PIP5K1A: variants seen among roughly 807,000 people sequenced by gnomAD.
PIP5K1A encodes the protein phosphatidylinositol 4-phosphate 5-kinase type-1 alpha.
Under a neutral mutation model 72.9 loss-of-function variants are expected in PIP5K1A, and 46 were observed. That is an observed-to-expected ratio of 0.63 (90% CI 0.50 to 0.81). The LOEUF is 0.81. Ranked by LOEUF, PIP5K1A falls within the 30% of genes least tolerant of loss-of-function variation. The probability of loss-of-function intolerance (pLI) is 0.00; values close to 1 mark genes in which losing one functional copy is unlikely to be tolerated. For synonymous variants in PIP5K1A, 228 were observed against 255.1 expected (o/e 0.89, Z 1.01); for missense variants, 458 against 706.1 (o/e 0.65, Z 3.98).
Position 151,202,610 on chromosome 1 carries a change from C to T in PIP5K1A, c.85+3529C>T, listed in dbSNP as rs1481151266. ...GCTCAGCCTCCCAAGTAACAGATTA[C>T]AGGCACCTGCCACCACATCTGACTA... On this transcript the variant is annotated intron_variant, in intron 1 of 15. Coordinates refer to ENST00000368888, the MANE Select transcript of PIP5K1A (RefSeq NM_001135638.2). 2.0e-5 allele frequency among the ~76,000 whole-genome samples: 3 copies of T among 150,854 alleles called. No individual in the cohort carries two copies. In the Admixed American group the frequency reaches 2.0e-4, roughly 10 times the overall value.
chr1:151,196,637 G>T (rs587751372), upstream of PIP5K1A, among the ~76,000 whole-genome samples: 92 of 131,868 alleles, frequency 7.0e-4, no homozygotes, highest in Non-Finnish European at 1.2e-3. Flanking sequence ...TCACCGAAAC[G>T]TCTGCCTCCC....
In PIP5K1A at chr1:151,238,564, C is replaced by G. The variant is rs1052298697; in HGVS notation, c.1229+299C>G. On this transcript the variant is annotated intron_variant, in intron 10 of 15. Transcript: ENST00000368888. ...CCATCTGTCTGGCTCTTTGCAAAAACCTATGAGATGAGTCATGTTCCACAT... is the reference window on the plus strand; with the variant it reads ...CCATCTGTCTGGCTCTTTGCAAAAAGCTATGAGATGAGTCATGTTCCACAT... The G allele has an allele frequency of 4.0e-5, 14 of 349,534 alleles. No homozygotes were observed. In the East Asian group the frequency reaches 7.8e-4, roughly 19 times the overall value. The allele number at this position is 349,534 out of a possible 1,614,324, so 21.7% of individuals were successfully genotyped here. A position where few individuals can be genotyped will look rare whatever the true frequency, so the allele number is the denominator to read the frequency against.
intron 1 of PIP5K1A, 117 bp downstream of exon 1, chr1:151,199,198 G>C (rs1250174646): frequency 3.2e-6 from 5 of 1,558,108 alleles, no homozygotes; most frequent in Non-Finnish European, 4.3e-6. Flanking sequence ...GTAAGTGGGC[G>C]CGAGCTGGGC....
upstream of PIP5K1A, among the ~76,000 whole-genome samples, chr1:151,196,286 T>C (rs1262605203): frequency 6.6e-6 from 1 of 152,194 alleles, no homozygotes; most frequent in East Asian, 1.9e-4. Context: ...CAAATATTTA[T>C]TTATTGAATA....
intron 2 of PIP5K1A, 43 bp from the exon 3 acceptor site, chr1:151,224,328 A>G (rs970119039): frequency 1.2e-6 from 2 of 1,608,846 alleles, no homozygotes; most frequent in Non-Finnish European, 1.7e-6. Context: ...ATTCTGGGAT[A>G]GAAGGAACCT....
intron 1 of PIP5K1A, among the ~76,000 whole-genome samples, chr1:151,204,318 A>G (rs1463999149): frequency 6.6e-5 from 10 of 152,128 alleles, no homozygotes; most frequent in Non-Finnish European, 2.9e-5. Flanking sequence ...GTGGGATTAC[A>G]GGCACCCGCC....
rs762390697 is a variant in PIP5K1A at position 151,199,072 on chromosome 1, T to C, written c.76T>C (p.Leu26=). The change falls in exon 1 of 16, where the codon TTG becomes CTG. Residue 26 remains leucine, a synonymous_variant. Coordinates refer to ENST00000368888, the MANE Select transcript of PIP5K1A (RefSeq NM_001135638.2). ...SFDPAVPSCT[L]SSAASGIKRP... ...TGATCCCGCGGTCCCTTCCTGTACC[T>C]TGTCCTCAGGTAAGCCCGGCAGGGC... 1 of 1,614,122 alleles carries C rather than the reference T, an allele frequency of 6.2e-7. No individual in the cohort carries two copies. The highest frequency in any genetic ancestry group is 2.2e-5 in the East Asian group (1 of 44,878).
At chr1:151,220,722 C>T (rs1230046597) in intron 1 of PIP5K1A, among the ~76,000 whole-genome samples, 1 of 152,256 alleles carries the variant, frequency 6.6e-6, no homozygotes, top group African/African-American at 2.4e-5. Flanking sequence ...CTGCCTTGGC[C>T]TTCCAAAGTG....
chr1:151,225,638 T>G (rs1337169162), intron 3 of PIP5K1A, among the ~76,000 whole-genome samples: 6 of 151,482 alleles, frequency 4.0e-5, no homozygotes, highest in Non-Finnish European at 8.8e-5. Flanking sequence ...CCCGCCTAAT[T>G]TTTGTATTTT....
At chr1:151,223,302 A>G (rs1188678375) in intron 1 of PIP5K1A, among the ~76,000 whole-genome samples, 1 of 143,648 alleles carries the variant, frequency 7.0e-6, no homozygotes, top group African/African-American at 2.6e-5. Flanking sequence ...GGGAGCCAAG[A>G]TGGCGCTGTT....
At position 151,232,708 on chromosome 1, in the gene PIP5K1A, G is replaced by A. The variant is rs1490585457; in HGVS notation, c.639+5G>A. On this transcript the variant is annotated splice_donor_5th_base_variant and intron_variant, in intron 7 of 15. Transcript: ENST00000368888. ...CTGCTTCCAGGATACTACATGGTAA[G>A]GGAGAGAGAAGCACTGTCCACCTGT... 5 of 1,612,698 alleles carry A rather than the reference G, an allele frequency of 3.1e-6. No homozygotes were observed. The highest frequency in any genetic ancestry group is 4.2e-6 in the Non-Finnish European group (5 of 1,179,430).
At chr1:151,210,729 G>A (rs1424704883) in intron 1 of PIP5K1A, among the ~76,000 whole-genome samples, 1 of 151,946 alleles carries the variant, frequency 6.6e-6, no homozygotes, top group Non-Finnish European at 1.5e-5. Context: ...GGGATTACAG[G>A]TGTGCGCCAC....
At chr1:151,205,497 TCTTA>T (rs1685804042) in intron 1 of PIP5K1A, among the ~76,000 whole-genome samples, 2 of 151,890 alleles carry the variant, frequency 1.3e-5, no homozygotes, top group Non-Finnish European at 2.9e-5. Context: ...TTTGGAGCAT[TCTTA>T]CTTGACGTAA....
At chr1:151,237,215 CAG>C (rs963135101) in intron 9 of PIP5K1A, among the ~76,000 whole-genome samples, 8 of 152,008 alleles carry the variant, frequency 5.3e-5, no homozygotes, top group African/African-American at 1.9e-4. Flanking sequence ...TTATTGTTGA[CAG>C]AAGTATAGAA....
intron 1 of PIP5K1A, among the ~76,000 whole-genome samples, chr1:151,200,266 A>G (rs1276435749): frequency 1.3e-5 from 2 of 152,036 alleles, no homozygotes; most frequent in Non-Finnish European, 2.9e-5. Context: ...ACGCTGTATC[A>G]GGAGATTGGA....
chr1:151,204,239 C>T (rs1028833152), intron 1 of PIP5K1A, among the ~76,000 whole-genome samples: 19 of 152,114 alleles, frequency 1.2e-4, no homozygotes, highest in African/African-American at 1.9e-4. Context: ...TGCAATGGCG[C>T]GATCTCGGCT....
chr1:151,200,740 A>G (rs1685105223), intron 1 of PIP5K1A, among the ~76,000 whole-genome samples: 3 of 152,292 alleles, frequency 2.0e-5, no homozygotes, highest in South Asian at 4.1e-4. Context: ...CCTTTCCTAT[A>G]AAAGTATTAG....
intron 4 of PIP5K1A, among the ~76,000 whole-genome samples, chr1:151,229,060 C>G (rs1037048530): frequency 1.6e-4 from 24 of 146,084 alleles, no homozygotes; most frequent in Middle Eastern, 3.5e-3. Flanking sequence ...CCCAGCTACT[C>G]AGGAGGCTGA....
chr1:151,223,644 C>CAA (rs34562554), intron 1 of PIP5K1A, among the ~76,000 whole-genome samples: 74,704 of 119,880 alleles, frequency 0.62, 23,274 homozygotes, highest in Non-Finnish European at 0.68. Flanking sequence ...GACTCTGTCT[C>CAA]AAAAAAAAAA....
Sources: allele counts gnomAD v4.1 joint callset (sites outside exome capture counted in the v4.1 genomes callset), GRCh38; gene constraint gnomAD v4.1.1; transcripts MANE v1.5; gene names NCBI Gene and HGNC (gene_info 2026-07-23, HGNC 2026-07-21).